Variants in CCDC158 observed in about 807,000 individuals in gnomAD.
CCDC158 encodes the protein coiled-coil domain containing 158.
A neutral mutation model predicts 138.6 loss-of-function variants in CCDC158; 116 were observed. That is an observed-to-expected ratio of 0.84 (90% CI 0.72 to 0.98). CCDC158 has a LOEUF of 0.98. Among genes scored for constraint, CCDC158 ranks in the 50% least tolerant of loss-of-function variants. The probability of loss-of-function intolerance (pLI) is 0.00; values close to 1 mark genes in which losing one functional copy is unlikely to be tolerated. For synonymous variants in CCDC158, 436 were observed against 442.4 expected, an observed-to-expected ratio of 0.99 and a Z score of 0.18; for missense variants, 1,265 against 1,306.1, an observed-to-expected ratio of 0.97 and a Z score of 0.48.
chr4:76,335,337 C>T (rs1299343648), intron 18 of CCDC158, among the ~76,000 whole-genome samples: 1 of 152,084 alleles, frequency 6.6e-6, no homozygotes, highest in African/African-American at 2.4e-5. Context: ...AAAAACTTAT[C>T]CTATGGCAAT....
chr4:76,392,967 T>C (rs907386031), intron 4 of CCDC158, among the ~76,000 whole-genome samples: 10 of 151,948 alleles, frequency 6.6e-5, no homozygotes, highest in African/African-American at 2.2e-4. Flanking sequence ...AAAATGCTGA[T>C]GAAAGAAATG....
Position 76,323,416 on chromosome 4 carries a change from G to T in CCDC158, c.3170-7C>A, listed in dbSNP as rs775895856. On this transcript the variant is annotated splice_region_variant and splice_polypyrimidine_tract_variant and intron_variant, in intron 23 of 24. Transcript: ENST00000682701. ...ATTGGCGGAGACTGTGAATCTATTAGAAAATTGCTTAGATGTGATATTAAA... is the reference window on the plus strand; with the variant it reads ...ATTGGCGGAGACTGTGAATCTATTATAAAATTGCTTAGATGTGATATTAAA... 8 of 1,600,086 alleles carry T rather than the reference G, an allele frequency of 5.0e-6. No homozygotes were observed. Among genetic ancestry groups the T allele is most frequent in the Middle Eastern group, 3.3e-4 (2 of 6,050 alleles).
chr4:76,324,485 C>A (rs1429758252), intron 23 of CCDC158, among the ~76,000 whole-genome samples: 1 of 152,050 alleles, frequency 6.6e-6, no homozygotes, highest in Non-Finnish European at 1.5e-5. Context: ...CAGCGCCCAG[C>A]CAGAAGTTTT....
chr4:76,411,970 C>T (rs1055068982), intron 2 of CCDC158, 120 bp downstream of exon 2: 2 of 152,070 alleles, frequency 1.3e-5, no homozygotes, highest in Non-Finnish European at 2.9e-5. Flanking sequence ...CCTAGGCATC[C>T]ATCAAATTCA....
At chr4:76,392,752 C>CA (rs367921097) in intron 4 of CCDC158, among the ~76,000 whole-genome samples, 3 of 151,222 alleles carry the variant, frequency 2.0e-5, no homozygotes, top group African/African-American at 4.8e-5. Flanking sequence ...AAGACTCCAC[C>CA]AAAAAAAATG....
At chr4:76,336,984 C>CA (rs1721572717) in intron 18 of CCDC158, among the ~76,000 whole-genome samples, 2 of 151,562 alleles carry the variant, frequency 1.3e-5, no homozygotes, top group South Asian at 4.2e-4. Flanking sequence ...ATAGAAATGT[C>CA]TTTTTTTTTC....
At chr4:76,416,485 G>A (rs546722712) in intron 1 of CCDC158, among the ~76,000 whole-genome samples, 42 of 152,014 alleles carry the variant, frequency 2.8e-4, no homozygotes, top group Middle Eastern at 6.8e-3. Flanking sequence ...ATGGGAAAAT[G>A]TCTCCAGGCC....
chr4:76,406,078 C>A (rs1728797793), intron 2 of CCDC158, among the ~76,000 whole-genome samples: 1 of 152,026 alleles, frequency 6.6e-6, no homozygotes, highest in Non-Finnish European at 1.5e-5. Context: ...AAAAACAACC[C>A]TGCTATGTAC....
intron 2 of CCDC158, among the ~76,000 whole-genome samples, chr4:76,404,272 AC>A (rs35930523): frequency 0.011 from 1,635 of 152,278 alleles, 26 homozygotes; most frequent in African/African-American, 0.038. Flanking sequence ...TCAAAGTAGG[AC>A]CCTTGTCCAC....
At chr4:76,373,648 TAAGG>T (rs1725452642) in intron 9 of CCDC158, among the ~76,000 whole-genome samples, 1 of 152,130 alleles carries the variant, frequency 6.6e-6, no homozygotes, top group Non-Finnish European at 1.5e-5. Flanking sequence ...ATAATAATCA[TAAGG>T]AATAGAAGTT....
intron 6 of CCDC158, 130 bp downstream of exon 6, chr4:76,383,958 A>C: frequency 2.6e-6 from 2 of 770,564 alleles, no homozygotes; most frequent in Non-Finnish European, 4.0e-6. Flanking sequence ...ATTACTGTGG[A>C]AGTAACTTCT....
chr4:76,400,298 G>GC (rs1197869227), intron 3 of CCDC158, among the ~76,000 whole-genome samples: 1 of 150,428 alleles, frequency 6.6e-6, no homozygotes, highest in Non-Finnish European at 1.5e-5. Flanking sequence ...GCAAACTATC[G>GC]CAAGGACAGA....
intron 24 of CCDC158, among the ~76,000 whole-genome samples, chr4:76,314,914 A>G (rs1488478336): frequency 6.6e-6 from 1 of 152,196 alleles, no homozygotes; most frequent in African/African-American, 2.4e-5. Context: ...ATGCTACAGA[A>G]AGGAGCACAG....
At chr4:76,404,058 G>A (rs1393335935) in intron 2 of CCDC158, among the ~76,000 whole-genome samples, 1 of 152,150 alleles carries the variant, frequency 6.6e-6, no homozygotes, top group African/African-American at 2.4e-5. Context: ...CGGCCTCAGA[G>A]AAGCAGGGTT....
intron 24 of CCDC158, among the ~76,000 whole-genome samples, chr4:76,321,701 G>GTA (rs200861586): frequency 1.5e-4 from 22 of 142,026 alleles, no homozygotes; most frequent in South Asian, 4.4e-4. Flanking sequence ...CATGGTGTGT[G>GTA]TATATATATA....
rs781393638 is a variant in CCDC158 at position 76,334,099 on chromosome 4, C to T, written c.2733G>A (p.Leu911=). 1.9e-5 allele frequency: 30 copies of T among 1,613,786 alleles called. No homozygotes were observed. In the Admixed American group the frequency reaches 4.3e-4, roughly 23 times the overall value. ...CTGGCTCCTCATTGATCACGCTTCT[C>T]AACTCTTGGAGAAGCTGTTTCAGGT... The part of the protein sequence containing the change: ...TRDLKQLLQE[L]RSVINEEPAV... Residue 911 remains leucine (L), a synonymous_variant, in exon 19 of 25, where the codon TTG becomes TTA. Transcript: ENST00000682701.
At position 76,382,627 on chromosome 4, in the gene CCDC158, A is replaced by T. The variant is rs769421313; in HGVS notation, c.897T>A (p.Ser299Arg). 17 of 1,608,244 alleles carry T rather than the reference A, an allele frequency of 1.1e-5. 1 individual carries two copies. The highest frequency in any genetic ancestry group is 2.2e-5 in the South Asian group (2 of 90,788). The change falls in exon 8 of 25, where the codon AGT (serine) becomes AGA (arginine). Residue 299 changes from serine (S) to arginine (R), a missense_variant. Ser to Arg is a moderately radical substitution (Grantham distance 110, BLOSUM62 -1). Coordinates refer to ENST00000682701, the MANE Select transcript of CCDC158 (RefSeq NM_001394954.1). ...SARSQANSIQ[S>R]QMEIIQEQAR... ...CCACATACTGAATGATTTCCATTTG[A>T]CTCTGGATACTATTGGCTTGGCTTC...
At chr4:76,337,630 G>A (rs1023685072) in intron 18 of CCDC158, among the ~76,000 whole-genome samples, 1 of 151,996 alleles carries the variant, frequency 6.6e-6, no homozygotes, top group Non-Finnish European at 1.5e-5. Context: ...TACTTAGGAG[G>A]CTGAAGCAGG....
intron 21 of CCDC158, among the ~76,000 whole-genome samples, chr4:76,329,218 A>C (rs1242231657): frequency 6.6e-6 from 1 of 152,188 alleles, no homozygotes; most frequent in Admixed American, 6.5e-5. Flanking sequence ...CCATTTTTGC[A>C]TACTAATAGC....
Sources: allele counts gnomAD v4.1 joint callset (sites outside exome capture counted in the v4.1 genomes callset), GRCh38; gene constraint gnomAD v4.1.1; transcripts MANE v1.5; gene names NCBI Gene and HGNC (gene_info 2026-07-23, HGNC 2026-07-21).